PTPN9: variants seen among roughly 807,000 people sequenced by gnomAD.
PTPN9 encodes tyrosine-protein phosphatase non-receptor type 9.
In PTPN9, 26 loss-of-function variants were observed where a neutral mutation model predicts 69.8. That is an observed-to-expected ratio of 0.37 (90% confidence interval 0.27 to 0.52). The LOEUF is 0.52. PTPN9 is among the 20% of genes least tolerant of loss of function. The pLI, the probability that PTPN9 is intolerant of heterozygous loss-of-function variation, is 0.91. For synonymous variants in PTPN9, 274 were observed against 272.5 expected (o/e 1.01, Z -0.05); for missense variants, 549 against 740.3 (o/e 0.74, Z 3.00).
intron 1 of PTPN9, among the ~76,000 whole-genome samples, chr15:75,544,826 C>A (rs1303892088): frequency 6.6e-6 from 1 of 151,392 alleles, no homozygotes; most frequent in Non-Finnish European, 1.5e-5. Context: ...TTTTTCTCTT[C>A]TTCCAACTGA....
intron 1 of PTPN9, among the ~76,000 whole-genome samples, chr15:75,577,839 C>A (rs1237550071): frequency 6.6e-6 from 1 of 151,970 alleles, no homozygotes; most frequent in East Asian, 1.9e-4. Flanking sequence ...GGGGTATGGG[C>A]AGTGCCAAGG....
At chr15:75,540,603 G>A (rs2075004423) in intron 1 of PTPN9, among the ~76,000 whole-genome samples, 1 of 151,384 alleles carries the variant, frequency 6.6e-6, no homozygotes, top group African/African-American at 2.4e-5. Flanking sequence ...AATCAGGTCT[G>A]ATTGGAAGCA....
At chr15:75,573,641 T>C (rs2075158803) in intron 1 of PTPN9, among the ~76,000 whole-genome samples, 1 of 152,232 alleles carries the variant, frequency 6.6e-6, no homozygotes, top group Non-Finnish European at 1.5e-5. Flanking sequence ...GCTGCCTGTA[T>C]ACAAATCAAG....
intron 5 of PTPN9, chr15:75,513,374 A>C (rs2074852883): frequency 2.2e-6 from 1 of 456,066 alleles, no homozygotes; most frequent in South Asian, 1.5e-5. Flanking sequence ...AGTTTGTTCT[A>C]GATGCTGTAT....
At chr15:75,520,642 G>A (rs1595959835) in intron 4 of PTPN9, among the ~76,000 whole-genome samples, 1 of 151,784 alleles carries the variant, frequency 6.6e-6, no homozygotes, top group African/African-American at 2.4e-5. Context: ...AGCCTCTCGA[G>A]TAGCTAGGAT....
intron 1 of PTPN9, among the ~76,000 whole-genome samples, chr15:75,557,288 G>T (rs1437432892): frequency 1.3e-5 from 2 of 152,026 alleles, no homozygotes; most frequent in African/African-American, 4.8e-5. Context: ...AGCTGGGTGT[G>T]GTAGCGCATG....
chr15:75,573,694 T>G (rs116801331), intron 1 of PTPN9, among the ~76,000 whole-genome samples: 1,611 of 152,308 alleles, frequency 0.011, 33 homozygotes, highest in African/African-American at 0.037. Flanking sequence ...TTTCCGTAAG[T>G]GCCAGTCATT....
At chr15:75,491,168 C>T (rs1291052746) in intron 7 of PTPN9, among the ~76,000 whole-genome samples, 2 of 151,808 alleles carry the variant, frequency 1.3e-5, no homozygotes, top group Non-Finnish European at 2.9e-5. Context: ...TTTGGGAGGC[C>T]AAGGCGGGTG....
intron 1 of PTPN9, among the ~76,000 whole-genome samples, chr15:75,550,253 C>T (rs1459502662): frequency 6.6e-6 from 1 of 150,400 alleles, no homozygotes; most frequent in Non-Finnish European, 1.5e-5. Flanking sequence ...GCAACCTCCA[C>T]CTCCCGGATT....
At chr15:75,483,564 G>T (rs561278353) in intron 8 of PTPN9, among the ~76,000 whole-genome samples, 2 of 152,208 alleles carry the variant, frequency 1.3e-5, no homozygotes, top group African/African-American at 2.4e-5. Flanking sequence ...AATAGGTAGC[G>T]ACTGCCAAGG....
rs555981648 is a variant in PTPN9, at chr15:75,500,246, A to C, written c.968+5429T>G. Among the ~76,000 whole-genome samples, 20 of 152,050 alleles carry C rather than the reference A, an allele frequency of 1.3e-4. 1 individual carries two copies. The South Asian group carries it at 4.2e-3, about 32-fold the overall frequency. On this transcript the variant is annotated intron_variant, in intron 7 of 12. Transcript: ENST00000618819. ...GAGAATTGCTTGAGCCGGGAGATGGAGGTTGCAGTGGGCTGAGATCGTGGC... is the reference window on the plus strand; with the variant it reads ...GAGAATTGCTTGAGCCGGGAGATGGCGGTTGCAGTGGGCTGAGATCGTGGC...
At chr15:75,485,720 C>T (rs552752646) in intron 8 of PTPN9, among the ~76,000 whole-genome samples, 11 of 151,170 alleles carry the variant, frequency 7.3e-5, no homozygotes, top group Non-Finnish European at 1.3e-4. Flanking sequence ...CTAAGAATTA[C>T]CAGCTTTAGC....
At chr15:75,480,618 G>C in intron 8 of PTPN9, 2 of 1,158,272 alleles carry the variant, frequency 1.7e-6, no homozygotes, top group South Asian at 2.5e-5. Context: ...GTGCGGAGCC[G>C]GGACAGTCGC....
rs1314972018 is a variant in PTPN9 at position 75,466,487 on chromosome 15, T to C, written c.*2282A>G. On this transcript the variant is annotated 3_prime_UTR_variant, in exon 13 of 13. Coordinates refer to ENST00000618819, the MANE Select transcript of PTPN9 (RefSeq NM_002833.4). ...AGACCATGTACCCATAGATATGGAGTCTCCTGGGGAGAATGATAACCCCTT... is the reference window on the plus strand; with the variant it reads ...AGACCATGTACCCATAGATATGGAGCCTCCTGGGGAGAATGATAACCCCTT... 6.6e-6 allele frequency: 1 copy of C among 151,848 alleles called. No homozygotes were observed. Among genetic ancestry groups the C allele is most frequent in the Admixed American group, 6.6e-5 (1 of 15,234 alleles). The allele number at this position is 151,848 out of a possible 1,614,324, so 9.4% of individuals were successfully genotyped here.
rs1272296319 is a variant in PTPN9, at chr15:75,470,026, A to C, written c.1360-27T>G. The C allele has an allele frequency of 3.2e-6, 5 of 1,575,616 alleles. No homozygotes were observed. In the South Asian group the frequency reaches 5.6e-5, roughly 18 times the overall value. On this transcript the variant is annotated intron_variant, in intron 11 of 12. Transcript: ENST00000618819. ...TTAGATAAGAAAAGAAGTAAACGTT[A>C]ACAAGGTTATTTCTGCCTGCCCCTA...
At chr15:75,546,032 CTG>C (rs2075031178) in intron 1 of PTPN9, among the ~76,000 whole-genome samples, 1 of 152,178 alleles carries the variant, frequency 6.6e-6, no homozygotes, top group African/African-American at 2.4e-5. Flanking sequence ...TCTGGCAGAA[CTG>C]TGAACACAAT....
intron 10 of PTPN9, among the ~76,000 whole-genome samples, chr15:75,472,460 A>AAAAAT (rs369195573): frequency 0.021 from 3,114 of 149,694 alleles, 95 homozygotes; most frequent in African/African-American, 0.06. Context: ...ACTCCGTCTC[A>AAAAAT]AAAATAAAAT....
chr15:75,471,609 G>GAAA (rs35968452), intron 10 of PTPN9, among the ~76,000 whole-genome samples: 6 of 102,784 alleles, frequency 5.8e-5, no homozygotes, highest in Admixed American at 1.1e-4. Context: ...TCTCAAAAAA[G>GAAA]AAAAAAAAAA....
At chr15:75,503,561 C>T (rs1207557779) in intron 7 of PTPN9, among the ~76,000 whole-genome samples, 2 of 110,894 alleles carry the variant, frequency 1.8e-5, no homozygotes, top group Non-Finnish European at 3.9e-5. Context: ...GTCAGCCCCC[C>T]GCCCGGCCAG....
Sources: allele counts gnomAD v4.1 joint callset (sites outside exome capture counted in the v4.1 genomes callset), GRCh38; gene constraint gnomAD v4.1.1; transcripts MANE v1.5; gene names NCBI Gene and HGNC (gene_info 2026-07-23, HGNC 2026-07-21).